The following GTPBP8 variants were observed in gnomAD, a reference collection of about 807,000 sequenced individuals.
The protein encoded by GTPBP8 is GTP-binding protein 8.
In GTPBP8, 21 loss-of-function variants were observed where a neutral mutation model predicts 27.3. That is an observed-to-expected ratio of 0.77 (90% CI 0.55 to 1.11). The LOEUF is 1.11. Among genes scored for constraint, GTPBP8 ranks in the 50% least tolerant of loss-of-function variants. The pLI, the probability that GTPBP8 is intolerant of heterozygous loss-of-function variation, is 0.00. For synonymous variants in GTPBP8, 147 were observed against 135.3 expected, an observed-to-expected ratio of 1.09 and a Z score of -0.60; for missense variants, 380 against 350.8, an observed-to-expected ratio of 1.08 and a Z score of -0.67.
rs1363370966 is a variant in GTPBP8, at chr3:112,999,511, GA to G, written c.735del (p.Lys245AsnfsTer5). ...HLLKQVLQIQ[K>X]FVNMKTQGCF... Reference sequence around the variant, plus strand: ...TTTTAAAACAAGTGCTTCAGATCCAGAAATTTGTTAACATGAAAACTCAAGG... The same window carrying G: ...TTTTAAAACAAGTGCTTCAGATCCAGAATTTGTTAACATGAAAACTCAAGG... On this transcript the variant is annotated frameshift_variant, in exon 5 of 6. Coordinates refer to ENST00000383678, the MANE Select transcript of GTPBP8 (RefSeq NM_014170.4). LOFTEE classifies it high-confidence loss of function. 59 of 1,540,130 alleles carry G rather than the reference GA, an allele frequency of 3.8e-5. No homozygotes were observed. Among genetic ancestry groups the G allele is most frequent in the Non-Finnish European group, 5.2e-5 (59 of 1,129,200 alleles).
chr3:112,993,678 T>C (rs902034594), intron 2 of GTPBP8, among the ~76,000 whole-genome samples: 3 of 152,230 alleles, frequency 2.0e-5, no homozygotes, highest in African/African-American at 7.2e-5. Flanking sequence ...ACCCCCACTT[T>C]GTCTCACCAT....
intron 5 of GTPBP8, among the ~76,000 whole-genome samples, chr3:112,999,974 T>TAAA: frequency 6.6e-6 from 1 of 152,260 alleles, no homozygotes; most frequent in Admixed American, 6.5e-5. Flanking sequence ...CTGAGTAGTA[T>TAAA]TACATGGTAC....
At position 113,000,946 on chromosome 3, in the gene GTPBP8, A is replaced by G. The variant is rs763417932; in HGVS notation, c.*27A>G. ...GGTTCCCGGTTTAGCTGAAGATTCA[A>G]AAAAAAAAAAAAAAGCTTTATGCTA... On this transcript the variant is annotated 3_prime_UTR_variant, in exon 6 of 6. Transcript: ENST00000383678. 7 of 503,358 alleles carry G rather than the reference A, an allele frequency of 1.4e-5. No homozygotes were observed. The highest frequency in any genetic ancestry group is 2.0e-5 in the Non-Finnish European group (7 of 354,382). The allele number at this position is 503,358 out of a possible 1,614,324, so 31.2% of individuals were successfully genotyped here.
Position 112,995,363 on chromosome 3 carries a change from C to CA in GTPBP8, c.566+101dup, listed in dbSNP as rs1011879623. The CA allele has an allele frequency of 6.1e-5, 44 of 724,096 alleles. No homozygotes were observed. The African/African-American group carries it at 7.1e-4, about 12-fold the overall frequency. The allele number at this position is 724,096 out of a possible 1,614,324, so 44.9% of individuals were successfully genotyped here. Reference sequence around the variant, plus strand: ...CACATGATTAACACTTCAGTTTTATCAAATGACTTATTTTATAAGGTCCAT... The same window carrying CA: ...CACATGATTAACACTTCAGTTTTATCAAAATGACTTATTTTATAAGGTCCAT... On this transcript the variant is annotated intron_variant, in intron 3 of 5. Transcript: ENST00000383678.
rs760414529 is a variant in GTPBP8, at chr3:112,996,927, T to C, written c.602T>C (p.Val201Ala). Residue 201 changes from valine to alanine, a missense_variant, in exon 4 of 6, where the codon GTT becomes GCT. Transcript: ENST00000383678. ...KRTFLLVDSV[V>A]GIQKTDNIAI... The stretch of plus-strand genomic sequence containing the variant: ...ACATTTTTATTAGTGGATAGCGTTG[T>C]TGGAATTCAAAAAACAGACAATATT... The C allele has an allele frequency of 3.2e-6, 5 of 1,579,818 alleles. No individual in the cohort carries two copies. In the East Asian group the frequency reaches 9.0e-5, roughly 28 times the overall value.
intron 4 of GTPBP8, among the ~76,000 whole-genome samples, chr3:112,998,460 C>T (rs1321870457): frequency 6.6e-6 from 1 of 152,136 alleles, no homozygotes; most frequent in Admixed American, 6.5e-5. Context: ...GCATGCCACC[C>T]TTTGGAAACC....
At chr3:112,999,973 A>G (rs926178350) in intron 5 of GTPBP8, among the ~76,000 whole-genome samples, 2 of 152,214 alleles carry the variant, frequency 1.3e-5, no homozygotes, top group Non-Finnish European at 2.9e-5. Flanking sequence ...GCTGAGTAGT[A>G]TTACATGGTA....
At position 113,000,322 on chromosome 3, in the gene GTPBP8, C is replaced by T. The variant is rs530440678; in HGVS notation, c.786-528C>T. Among the ~76,000 whole-genome samples, 3 of 152,194 alleles carry T rather than the reference C, an allele frequency of 2.0e-5. No homozygotes were observed. The South Asian group carries it at 6.2e-4, about 32-fold the overall frequency. On this transcript the variant is annotated intron_variant, in intron 5 of 5. Coordinates refer to ENST00000383678, the MANE Select transcript of GTPBP8 (RefSeq NM_014170.4). ...CAGAGGTTGCAGTGAGCCAAGATCA[C>T]GCCATTGCACTCCAGCCTGGGCGAC...
intron 2 of GTPBP8, among the ~76,000 whole-genome samples, chr3:112,993,538 G>A (rs1933726017): frequency 6.6e-6 from 1 of 151,860 alleles, no homozygotes; most frequent in African/African-American, 2.4e-5. Flanking sequence ...ACACACATTC[G>A]GCATATTCTT....
chr3:112,998,231 C>T (rs972865855), intron 4 of GTPBP8, among the ~76,000 whole-genome samples: 1 of 152,010 alleles, frequency 6.6e-6, no homozygotes, highest in Non-Finnish European at 1.5e-5. Context: ...GGATTCAGTC[C>T]CCAAGACGAC....
Position 112,991,131 on chromosome 3 carries a change from G to A in GTPBP8, c.132G>A (p.Leu44=). Residue 44 remains leucine, a synonymous_variant, in exon 1 of 6, where the codon CTG becomes CTA. Coordinates refer to ENST00000383678, the MANE Select transcript of GTPBP8 (RefSeq NM_014170.4). ...TGCTGCGGCTGCCGAAGCAGCAGCT[G>A]AGGAAGCTGCTGTACCCGCTGCAGG... ...AEVLRLPKQQ[L]RKLLYPLQEV... is the part of the protein sequence containing the mutation. 1.9e-6 allele frequency: 3 copies of A among 1,613,796 alleles called. No individual in the cohort carries two copies.
intron 2 of GTPBP8, among the ~76,000 whole-genome samples, chr3:112,994,154 G>A (rs1019665049): frequency 1.3e-5 from 2 of 152,218 alleles, no homozygotes; most frequent in Non-Finnish European, 2.9e-5. Context: ...CGGGCACAGT[G>A]GCTCATGCCT....
intron 3 of GTPBP8, 73 bp from the exon 4 acceptor site, chr3:112,996,819 C>A: frequency 2.7e-6 from 2 of 731,558 alleles, no homozygotes; most frequent in Non-Finnish European, 4.9e-6. Flanking sequence ...TTTCTTAGTA[C>A]AGTAAGGAAG....
chr3:112,990,984 C>A lies in GTPBP8; in HGVS notation c.-16C>A, dbSNP rs771709711. 6.4e-6 allele frequency: 10 copies of A among 1,570,010 alleles called. No homozygotes were observed. Among genetic ancestry groups the A allele is most frequent in the South Asian group, 1.2e-5 (1 of 85,814 alleles). ...ACAGGAGTAAAATCTCTCTGCCCGT[C>A]TTCTGGGAAGGGAGAATGGCGGCGC... On this transcript the variant is annotated 5_prime_UTR_variant, in exon 1 of 6. Coordinates refer to ENST00000383678, the MANE Select transcript of GTPBP8 (RefSeq NM_014170.4).
At chr3:112,998,834 G>C (rs1411857822) in intron 4 of GTPBP8, among the ~76,000 whole-genome samples, 1 of 152,142 alleles carries the variant, frequency 6.6e-6, no homozygotes, top group Non-Finnish European at 1.5e-5. Context: ...AGCATGATTT[G>C]CCAGGAAATT....
Position 113,000,856 on chromosome 3 carries a change from G to A in GTPBP8, c.792G>A (p.Val264=). The A allele has an allele frequency of 6.3e-7, 1 of 1,587,690 alleles. No individual in the cohort carries two copies. The highest frequency in any genetic ancestry group is 8.6e-7 in the Non-Finnish European group (1 of 1,157,902). ...CFPQLFPVSA[V]TFSGIHLLRC... ...TTCTCTTTTCTTTTCACAGTGCTGT[G>A]ACCTTTTCTGGAATCCACCTGTTGA... The change falls in exon 6 of 6, where the codon GTG becomes GTA. Residue 264 remains valine, a synonymous_variant. Coordinates refer to ENST00000383678, the MANE Select transcript of GTPBP8 (RefSeq NM_014170.4).
intron 3 of GTPBP8, among the ~76,000 whole-genome samples, chr3:112,996,071 C>T (rs1933779924): frequency 6.6e-6 from 1 of 152,104 alleles, no homozygotes; most frequent in Admixed American, 6.5e-5. Context: ...TTTGTTGTAG[C>T]TTTACATAAG....
Position 112,991,185 on chromosome 3 carries a change from G to T in GTPBP8, c.186G>T (p.Gly62=). 6.2e-7 allele frequency: 1 copy of T among 1,614,166 alleles called. No homozygotes were observed. Among genetic ancestry groups the T allele is most frequent in the Non-Finnish European group, 8.5e-7 (1 of 1,180,026 alleles). ...QEVERFLAPY[G]RQDLHLRIFD... The stretch of plus-strand genomic sequence containing the variant: ...TAGAGCGGTTCCTCGCCCCCTACGG[G>T]AGGCAAGACCTTCACCTGCGTATCT... The change falls in exon 1 of 6, where the codon GGG becomes GGT. Residue 62 remains glycine (G), a synonymous_variant. Coordinates refer to ENST00000383678, the MANE Select transcript of GTPBP8 (RefSeq NM_014170.4).
In GTPBP8 at chr3:112,991,294, G is replaced by T. The variant is rs774329703; in HGVS notation, c.295G>T (p.Ala99Ser). Residue 99 changes from alanine (A) to serine (S), a missense_variant, in exon 1 of 6, where the codon GCC becomes TCC. Coordinates refer to ENST00000383678, the MANE Select transcript of GTPBP8 (RefSeq NM_014170.4). ...ERNRIDYVSS[A>S]VRIDHAPDLP... ...GAACCGCATCGACTACGTCAGCTCC[G>T]CCGTCCGTATCGACCACGCCCCGGA... 4 of 1,612,602 alleles carry T rather than the reference G, an allele frequency of 2.5e-6. No individual in the cohort carries two copies. The African/African-American group carries it at 4.0e-5, about 16-fold the overall frequency.
Sources: gnomAD v4.1 joint callset for allele counts (sites outside exome capture counted in the v4.1 genomes callset) on GRCh38, gnomAD v4.1.1 for gene constraint, MANE v1.5 for transcripts, NCBI Gene and HGNC (gene_info 2026-07-23, HGNC 2026-07-21) for gene names.